DOK5: variants seen among roughly 807,000 people sequenced by gnomAD.
The protein encoded by DOK5 is downstream of tyrosine kinase 5.
A neutral mutation model predicts 43.3 loss-of-function variants in DOK5; 27 were observed. That is an observed-to-expected ratio of 0.62 (90% CI 0.46 to 0.86). The LOEUF (loss-of-function observed/expected upper bound fraction) is 0.86. Among genes scored for constraint, DOK5 ranks in the 40% least tolerant of loss-of-function variants. The pLI is 0.00. For missense variants in DOK5, 373 were observed against 392.9 expected (o/e 0.95, Z 0.43); for synonymous variants, 146 against 140.1 (o/e 1.04, Z -0.30).
intron 1 of DOK5, among the ~76,000 whole-genome samples, chr20:54,502,668 C>A (rs1014613918): frequency 1.3e-5 from 2 of 152,078 alleles, no homozygotes; most frequent in Non-Finnish European, 2.9e-5. Context: ...TTTTTCCCCA[C>A]AAAAATAGTA....
chr20:54,499,860 A>G (rs1245865580), intron 1 of DOK5, among the ~76,000 whole-genome samples: 1 of 152,230 alleles, frequency 6.6e-6, no homozygotes, highest in African/African-American at 2.4e-5. Context: ...GGAGGGATGC[A>G]CAATTCACTG....
chr20:54,521,857 A>G (rs1357846230), intron 1 of DOK5, among the ~76,000 whole-genome samples: 1 of 152,176 alleles, frequency 6.6e-6, no homozygotes, highest in Non-Finnish European at 1.5e-5. Context: ...GTTTTGAATC[A>G]CAAGAGACAC....
At chr20:54,486,455 T>C (rs1027607096) in intron 1 of DOK5, among the ~76,000 whole-genome samples, 1 of 152,160 alleles carries the variant, frequency 6.6e-6, no homozygotes, top group Non-Finnish European at 1.5e-5. Flanking sequence ...TTTATTCTTT[T>C]TCAAAATTGT....
intron 1 of DOK5, among the ~76,000 whole-genome samples, chr20:54,529,480 T>C (rs1427017271): frequency 6.6e-6 from 1 of 152,166 alleles, no homozygotes; most frequent in African/African-American, 2.4e-5. Flanking sequence ...GCATAGCATG[T>C]GCCAGGCATT....
intron 5 of DOK5, among the ~76,000 whole-genome samples, chr20:54,605,048 T>TACACACACACACAC (rs1568806382): frequency 8.4e-6 from 1 of 118,516 alleles, no homozygotes; most frequent in Non-Finnish European, 1.7e-5. Context: ...CACACACACG[T>TACACACACACACAC]ATACACACAC....
At chr20:54,600,838 T>C (rs56138015) in intron 5 of DOK5, among the ~76,000 whole-genome samples, 9,084 of 152,302 alleles carry the variant, frequency 0.06, 309 homozygotes, top group Middle Eastern at 0.095. Flanking sequence ...CAGGAGATCC[T>C]AGCAAAGGGC....
chr20:54,484,626 A>G (rs1444688247), intron 1 of DOK5, among the ~76,000 whole-genome samples: 1 of 152,196 alleles, frequency 6.6e-6, no homozygotes, highest in African/African-American at 2.4e-5. Flanking sequence ...GTCTTCTTAT[A>G]TAGCTGCCCC....
At chr20:54,501,148 A>G (rs568591863) in intron 1 of DOK5, among the ~76,000 whole-genome samples, 2 of 152,206 alleles carry the variant, frequency 1.3e-5, no homozygotes, top group Non-Finnish European at 2.9e-5. Flanking sequence ...TACGATTTAC[A>G]TTACAGCCAG....
Position 54,650,623 on chromosome 20 carries a change from T to C in DOK5, c.*144T>C, listed in dbSNP as rs1228988189. 2 of 629,098 alleles carry C rather than the reference T, an allele frequency of 3.2e-6. No individual in the cohort carries two copies. Among genetic ancestry groups the C allele is most frequent in the Non-Finnish European group, 5.3e-6 (2 of 375,628 alleles). The allele number at this position is 629,098 out of a possible 1,614,324, so 39.0% of individuals were successfully genotyped here. A position where few individuals can be genotyped will look rare whatever the true frequency, so the allele number is the denominator to read the frequency against. On this transcript the variant is annotated 3_prime_UTR_variant, in exon 8 of 8. Coordinates refer to ENST00000262593, the MANE Select transcript of DOK5 (RefSeq NM_018431.5). Reference sequence around the variant, plus strand: ...TAATTGTGTGGTCATTGGAAAACTCTGCAATACAATAATTTTCTTTATTTT... The same window carrying C: ...TAATTGTGTGGTCATTGGAAAACTCCGCAATACAATAATTTTCTTTATTTT...
At chr20:54,619,847 T>C (rs1276623935) in intron 6 of DOK5, among the ~76,000 whole-genome samples, 1 of 152,234 alleles carries the variant, frequency 6.6e-6, no homozygotes, top group African/African-American at 2.4e-5. Flanking sequence ...CTTTCTTAGA[T>C]ATAGAAGGCA....
At chr20:54,627,400 A>G (rs994946974) in intron 6 of DOK5, among the ~76,000 whole-genome samples, 1 of 152,226 alleles carries the variant, frequency 6.6e-6, no homozygotes, top group African/African-American at 2.4e-5. Flanking sequence ...ATGCTGGAGT[A>G]TCTTGCATTT....
At position 54,588,458 on chromosome 20, in the gene DOK5, C is replaced by T. The variant is rs765640738; in HGVS notation, c.175-25C>T. ...GGAGACATTCATTCAGGGAGTGTGTCAAACTTCTAATTGTTCATTTTCAGG... is the reference window on the plus strand; with the variant it reads ...GGAGACATTCATTCAGGGAGTGTGTTAAACTTCTAATTGTTCATTTTCAGG... On this transcript the variant is annotated intron_variant, in intron 2 of 7. Coordinates refer to ENST00000262593, the MANE Select transcript of DOK5 (RefSeq NM_018431.5). 3.7e-6 allele frequency: 6 copies of T among 1,601,892 alleles called. No homozygotes were observed. In the East Asian group the frequency reaches 1.3e-4, roughly 36 times the overall value.
At chr20:54,551,459 C>G (rs1600696836) in intron 1 of DOK5, among the ~76,000 whole-genome samples, 2 of 152,118 alleles carry the variant, frequency 1.3e-5, no homozygotes, top group African/African-American at 2.4e-5. Flanking sequence ...GATAACAGGT[C>G]TAAGAACTCT....
At chr20:54,646,205 C>G (rs1979411329) in intron 7 of DOK5, among the ~76,000 whole-genome samples, 1 of 146,128 alleles carries the variant, frequency 6.8e-6, no homozygotes, top group African/African-American at 2.5e-5. Flanking sequence ...TTAAAAAAAG[C>G]ATATTTTACT....
At chr20:54,643,604 G>A (rs1416739285) in intron 7 of DOK5, 26 bp downstream of exon 7, 10 of 1,606,890 alleles carry the variant, frequency 6.2e-6, no homozygotes, top group Middle Eastern at 1.6e-4. Flanking sequence ...CCTGTGTCCA[G>A]GGTGTGGGCC....
At position 54,647,010 on chromosome 20, in the gene DOK5, C is replaced by T. The variant is rs534031768; in HGVS notation, c.857-3405C>T. On this transcript the variant is annotated intron_variant, in intron 7 of 7. Coordinates refer to ENST00000262593, the MANE Select transcript of DOK5 (RefSeq NM_018431.5). ...GGTCATTTTCTTCAAATGTAGTCTTCGAGAGCCCCCTGCTGGTTGATTTGG... is the reference window on the plus strand; with the variant it reads ...GGTCATTTTCTTCAAATGTAGTCTTTGAGAGCCCCCTGCTGGTTGATTTGG... 9.9e-5 allele frequency among the ~76,000 whole-genome samples: 15 copies of T among 151,422 alleles called. No individual in the cohort carries two copies. In the South Asian group the frequency reaches 2.9e-3, roughly 29 times the overall value.
intron 4 of DOK5, among the ~76,000 whole-genome samples, chr20:54,590,604 TA>T: frequency 6.6e-6 from 1 of 152,170 alleles, no homozygotes; most frequent in East Asian, 1.9e-4. Context: ...ATGAAATAAT[TA>T]AAAATTTTTG....
At chr20:54,490,236 T>A (rs1979383) in intron 1 of DOK5, among the ~76,000 whole-genome samples, 174 of 152,310 alleles carry the variant, frequency 1.1e-3, no homozygotes, top group African/African-American at 4.1e-3. Context: ...ACCTAAAAGA[T>A]AGGATAAATT....
chr20:54,543,569 GTA>G (rs1157033238), intron 1 of DOK5, among the ~76,000 whole-genome samples: 51 of 149,984 alleles, frequency 3.4e-4, no homozygotes, highest in African/African-American at 1.0e-3. Flanking sequence ...GTGTGTGTGT[GTA>G]TGTGTGTGTG....
Sources: allele counts gnomAD v4.1 joint callset (sites outside exome capture counted in the v4.1 genomes callset), GRCh38; gene constraint gnomAD v4.1.1; transcripts MANE v1.5; gene names NCBI Gene and HGNC (gene_info 2026-07-23, HGNC 2026-07-21).